The following NOX4 variants were observed in gnomAD, a reference collection of about 807,000 sequenced individuals.
NOX4 encodes kidney oxidase-1.
NOX4 carries 69 observed loss-of-function variants against 87.6 expected under a neutral mutation model. The ratio of observed to expected loss-of-function variants is 0.79; its 90% confidence interval spans 0.65 to 0.96. NOX4 has a LOEUF of 0.96. NOX4 is among the 40% of genes least tolerant of loss of function. The pLI, the probability that NOX4 is intolerant of heterozygous loss-of-function variation, is 0.00. For missense variants in NOX4, 680 were observed against 681.5 expected (o/e 1.00, Z 0.02); for synonymous variants, 275 against 238.2 (o/e 1.15, Z -1.42).
At chr11:89,452,186 C>G (rs946511585) in intron 2 of NOX4, among the ~76,000 whole-genome samples, 1 of 152,146 alleles carries the variant, frequency 6.6e-6, no homozygotes, top group African/African-American at 2.4e-5. Context: ...CTGCCCCTAC[C>G]CCATTGTTCT....
the NOX4 span, among the ~76,000 whole-genome samples, chr11:89,535,504 C>T: frequency 3.3e-5 from 5 of 152,160 alleles, no homozygotes; most frequent in Non-Finnish European, 5.9e-5. Flanking sequence ...ATCCAAAGAA[C>T]GCCAGATGTT....
At chr11:89,425,827 T>C (rs1943367142) in intron 7 of NOX4, among the ~76,000 whole-genome samples, 1 of 152,162 alleles carries the variant, frequency 6.6e-6, no homozygotes, top group Admixed American at 6.6e-5. Context: ...CATTTAAGTA[T>C]ATTATTTGGC....
chr11:89,559,162 TA>T, the NOX4 span, among the ~76,000 whole-genome samples: 1 of 151,846 alleles, frequency 6.6e-6, no homozygotes, highest in Non-Finnish European at 1.5e-5. Context: ...TAAGCAGAAA[TA>T]AAAAAATCAT....
chr11:89,449,703 A>T (rs889063888), intron 3 of NOX4, among the ~76,000 whole-genome samples, 179 bp from the exon 4 acceptor site: 2 of 152,128 alleles, frequency 1.3e-5, no homozygotes, highest in African/African-American at 4.8e-5. Context: ...ATTAAAAAAT[A>T]TATGTGAGAA....
chr11:89,517,428 C>T, the NOX4 span, among the ~76,000 whole-genome samples: 1 of 151,892 alleles, frequency 6.6e-6, no homozygotes, highest in African/African-American at 2.4e-5. Context: ...TTCAAAAGCA[C>T]CCTGTACCCT....
chr11:89,486,646 GTA>G (rs1206111765), intron 2 of NOX4, among the ~76,000 whole-genome samples: 1 of 119,366 alleles, frequency 8.4e-6, no homozygotes, highest in Non-Finnish European at 1.7e-5. Context: ...ATATATGTGT[GTA>G]TATATGTGTA....
the NOX4 span, among the ~76,000 whole-genome samples, chr11:89,505,014 T>C: frequency 3.2e-4 from 49 of 152,068 alleles, no homozygotes; most frequent in East Asian, 6.4e-3. Context: ...TCTTTCTCTC[T>C]TACCAAGCGT....
chr11:89,577,661 T>C, the NOX4 span: 1 of 152,182 alleles, frequency 6.6e-6, no homozygotes, highest in Non-Finnish European at 1.5e-5. Context: ...TCATTATGGC[T>C]ACAGAGAAAA....
chr11:89,571,542 G>A, the NOX4 span, among the ~76,000 whole-genome samples: 2 of 152,004 alleles, frequency 1.3e-5, no homozygotes, highest in Admixed American at 6.5e-5. Context: ...TGATCTGCCC[G>A]CCTGGGCCTC....
chr11:89,439,410 C>G (rs759302463), intron 6 of NOX4, among the ~76,000 whole-genome samples: 26 of 151,992 alleles, frequency 1.7e-4, no homozygotes, highest in Non-Finnish European at 3.2e-4. Flanking sequence ...TTGCAAGTGG[C>G]AAGTATTATA....
intron 8 of NOX4, among the ~76,000 whole-genome samples, chr11:89,421,211 C>T (rs1246769157): frequency 2.0e-5 from 3 of 152,152 alleles, no homozygotes; most frequent in South Asian, 2.1e-4. Context: ...GTGAATGTCA[C>T]GCCAAAGCCA....
At chr11:89,459,643 C>T (rs1258942790) in intron 2 of NOX4, among the ~76,000 whole-genome samples, 1 of 151,924 alleles carries the variant, frequency 6.6e-6, no homozygotes, top group Non-Finnish European at 1.5e-5. Context: ...CAAACCACTG[C>T]TCAATGAAAT....
At chr11:89,530,900 T>C in the NOX4 span, among the ~76,000 whole-genome samples, 87 of 152,142 alleles carry the variant, frequency 5.7e-4, no homozygotes, top group Non-Finnish European at 1.1e-3. Context: ...ATAAGAAACG[T>C]AGGTACAGAG....
At chr11:89,585,593 G>A in the NOX4 span, among the ~76,000 whole-genome samples, 1 of 152,170 alleles carries the variant, frequency 6.6e-6, no homozygotes, top group Non-Finnish European at 1.5e-5. Flanking sequence ...ATTAATGAGT[G>A]TTGCTGTGTT....
chr11:89,450,875 T>C (rs112920993), intron 3 of NOX4, among the ~76,000 whole-genome samples: 2,260 of 151,870 alleles, frequency 0.015, 59 homozygotes, highest in African/African-American at 0.052. Context: ...TGTGGAATAC[T>C]ATGCAGCCAT....
chr11:89,546,437 C>T, the NOX4 span, among the ~76,000 whole-genome samples: 2 of 152,116 alleles, frequency 1.3e-5, no homozygotes, highest in Non-Finnish European at 2.9e-5. Context: ...TTTGACTTCC[C>T]ATTTAAGCTT....
intron 2 of NOX4, among the ~76,000 whole-genome samples, chr11:89,462,839 T>C (rs1190412368): frequency 1.3e-5 from 2 of 151,928 alleles, no homozygotes; most frequent in East Asian, 1.9e-4. Context: ...AGTAATATAT[T>C]AAATATACAG....
the NOX4 span, among the ~76,000 whole-genome samples, chr11:89,512,121 C>G: frequency 6.6e-6 from 1 of 152,088 alleles, no homozygotes; most frequent in African/African-American, 2.4e-5. Context: ...TCTTTTTTAA[C>G]ACATTTATTA....
intron 2 of NOX4, among the ~76,000 whole-genome samples, chr11:89,482,097 G>A (rs546761817): frequency 6.6e-6 from 1 of 151,976 alleles, no homozygotes; most frequent in African/African-American, 2.4e-5. Flanking sequence ...GGGAATAAAG[G>A]GTTGTGTAAG....
Sources: gnomAD v4.1 joint callset for allele counts (sites outside exome capture counted in the v4.1 genomes callset) on GRCh38, gnomAD v4.1.1 for gene constraint, MANE v1.5 for transcripts, NCBI Gene and HGNC (gene_info 2026-07-23, HGNC 2026-07-21) for gene names.